PLEKHG1: variants seen among roughly 807,000 people sequenced by gnomAD.
PLEKHG1 encodes the protein pleckstrin homology and RhoGEF domain containing G1.
A neutral mutation model predicts 100.8 loss-of-function variants in PLEKHG1; 44 were observed. That is an observed-to-expected ratio of 0.44 (90% CI 0.34 to 0.56). The LOEUF is 0.56. PLEKHG1 is among the 20% of genes least tolerant of loss of function. PLEKHG1 has a pLI of 0.01. For synonymous variants in PLEKHG1, 640 were observed against 662.5 expected (o/e 0.97, Z 0.52); for missense variants, 1,545 against 1,720.9 (o/e 0.90, Z 1.81).
At chr6:150,658,173 G>T (rs543933920) in intron 3 of PLEKHG1, among the ~76,000 whole-genome samples, 32 of 152,264 alleles carry the variant, frequency 2.1e-4, no homozygotes, top group African/African-American at 7.5e-4. Context: ...GCATACTTCA[G>T]AAGTCTGTGT....
At chr6:150,839,749 G>A in intron 15 of PLEKHG1, 84 bp from the exon 17 acceptor site, 1 of 880,554 alleles carries the variant, frequency 1.1e-6, no homozygotes, top group Non-Finnish European at 1.8e-6. Context: ...AAATACGTTG[G>A]TTAGAATGTT....
intron 3 of PLEKHG1, among the ~76,000 whole-genome samples, chr6:150,714,704 C>A (rs182027895): frequency 6.6e-6 from 1 of 152,042 alleles, no homozygotes; most frequent in Non-Finnish European, 1.5e-5. Flanking sequence ...AGTTTGGTTT[C>A]TATTGTTAGA....
chr6:150,800,673 A>G, intron 5 of PLEKHG1, 46 bp from the exon 7 acceptor site: 2 of 1,579,800 alleles, frequency 1.3e-6, no homozygotes, highest in Non-Finnish European at 1.7e-6. Flanking sequence ...TTGAATACCC[A>G]CATAAAGCAT....
chr6:150,650,226 A>G (rs1778673398), intron 2 of PLEKHG1, among the ~76,000 whole-genome samples: 1 of 152,152 alleles, frequency 6.6e-6, no homozygotes, highest in African/African-American at 2.4e-5. Context: ...GGCCTTAGGC[A>G]ATTGTTGGAG....
chr6:150,640,586 C>T (rs74933087), intron 2 of PLEKHG1, among the ~76,000 whole-genome samples: 3,148 of 152,242 alleles, frequency 0.021, 36 homozygotes, highest in Non-Finnish European at 0.028. Flanking sequence ...GACTCTCCCA[C>T]GCAAAACCCT....
intron 1 of PLEKHG1, among the ~76,000 whole-genome samples, chr6:150,613,735 T>C (rs1776947104): frequency 6.6e-6 from 1 of 152,060 alleles, no homozygotes; most frequent in Admixed American, 6.6e-5. Context: ...CTCATCGCTC[T>C]CCCCGAATCT....
At chr6:150,816,914 T>C (rs1187052875) in intron 10 of PLEKHG1, among the ~76,000 whole-genome samples, 2 of 152,208 alleles carry the variant, frequency 1.3e-5, no homozygotes, top group Non-Finnish European at 2.9e-5. Context: ...CTCGCATGCA[T>C]AATTCACAGT....
intron 2 of PLEKHG1, among the ~76,000 whole-genome samples, chr6:150,768,424 T>C (rs1459166164): frequency 6.6e-6 from 1 of 152,084 alleles, no homozygotes; most frequent in Non-Finnish European, 1.5e-5. Flanking sequence ...AGACAGAATG[T>C]ATACCACACT....
At position 150,736,967 on chromosome 6, in the gene PLEKHG1, G is replaced by C. The variant is rs575702922; in HGVS notation, c.411+2875G>C. 3.3e-5 allele frequency among the ~76,000 whole-genome samples: 5 copies of C among 152,226 alleles called. No individual in the cohort carries two copies. In the South Asian group the frequency reaches 1.0e-3, roughly 32 times the overall value. On this transcript the variant is annotated intron_variant, in intron 2 of 15. Transcript: ENST00000358517. ...TGAGTATTGGAAAGAAGCGTGCCTG[G>C]GGAGAAAGAGTCCCAAATGAAGAGG...
chr6:150,797,552 C>T (rs114172728), intron 5 of PLEKHG1, among the ~76,000 whole-genome samples: 1,962 of 150,910 alleles, frequency 0.013, 50 homozygotes, highest in African/African-American at 0.045. Flanking sequence ...ACCCAAGAAG[C>T]GGCTGGATAC....
At chr6:150,797,956 TA>T (rs1005315318) in intron 5 of PLEKHG1, among the ~76,000 whole-genome samples, 8 of 146,254 alleles carry the variant, frequency 5.5e-5, no homozygotes, top group Non-Finnish European at 9.0e-5. Flanking sequence ...CAGTTTCCCC[TA>T]AAAAAAACAA....
chr6:150,806,735 G>A (rs1177031543), intron 7 of PLEKHG1, among the ~76,000 whole-genome samples: 2 of 150,436 alleles, frequency 1.3e-5, no homozygotes, highest in African/African-American at 2.5e-5. Flanking sequence ...GGCTGAGGTG[G>A]GAGAATCACT....
intron 1 of PLEKHG1, among the ~76,000 whole-genome samples, chr6:150,628,578 C>CACA (rs1263436444): frequency 8.1e-4 from 26 of 32,128 alleles, no homozygotes; most frequent in Admixed American, 2.8e-3. Context: ...ACACACACAC[C>CACA]CCGTCCTTGC....
intron 3 of PLEKHG1, among the ~76,000 whole-genome samples, chr6:150,706,963 A>AT (rs1198816780): frequency 6.2e-5 from 3 of 48,434 alleles, no homozygotes; most frequent in South Asian, 6.7e-4. Flanking sequence ...CATATGTTTC[A>AT]TTTTCTTTTT....
intron 6 of PLEKHG1, among the ~76,000 whole-genome samples, chr6:150,802,911 C>T (rs1237956116): frequency 3.3e-5 from 5 of 152,026 alleles, no homozygotes; most frequent in Admixed American, 2.0e-4. Flanking sequence ...CCACCCACCT[C>T]GGCCCCTCAA....
intron 1 of PLEKHG1, among the ~76,000 whole-genome samples, chr6:150,632,493 A>G (rs1360996084): frequency 6.6e-6 from 1 of 152,242 alleles, no homozygotes; most frequent in Non-Finnish European, 1.5e-5. Flanking sequence ...GGTCCTGGGC[A>G]AGGTGGGCAG....
At chr6:150,712,889 T>C (rs1173746466) in intron 3 of PLEKHG1, among the ~76,000 whole-genome samples, 11 of 152,226 alleles carry the variant, frequency 7.2e-5, no homozygotes, top group African/African-American at 2.4e-4. Context: ...ACTTTTAATT[T>C]TAATTGAAGG....
intron 6 of PLEKHG1, among the ~76,000 whole-genome samples, chr6:150,801,591 C>G (rs1262003313): frequency 6.6e-6 from 1 of 151,822 alleles, no homozygotes; most frequent in African/African-American, 2.4e-5. Flanking sequence ...GTGTGCACCA[C>G]CATGCCTGGC....
chr6:150,675,717 C>G (rs538831668), intron 3 of PLEKHG1, among the ~76,000 whole-genome samples: 29 of 152,306 alleles, frequency 1.9e-4, no homozygotes, highest in African/African-American at 6.5e-4. Context: ...AAACTTCTGA[C>G]CTCAAGTGAT....
Sources: gnomAD v4.1 joint callset for allele counts (sites outside exome capture counted in the v4.1 genomes callset) on GRCh38, gnomAD v4.1.1 for gene constraint, MANE v1.5 for transcripts, NCBI Gene and HGNC (gene_info 2026-07-23, HGNC 2026-07-21) for gene names.